Variants in CFAP54 observed in about 807,000 individuals in gnomAD.
The protein encoded by CFAP54 is cilia and flagella associated protein 54, also known as cilia- and flagella-associated protein 54.
In CFAP54, 290 loss-of-function variants were observed where a neutral mutation model predicts 370.4. That is an observed-to-expected ratio of 0.78 (90% CI 0.71 to 0.86). CFAP54 has a LOEUF of 0.86. Ranked by LOEUF, CFAP54 falls within the 40% of genes least tolerant of loss-of-function variation. The probability of loss-of-function intolerance (pLI) is 0.00; values close to 1 mark genes in which losing one functional copy is unlikely to be tolerated. For synonymous variants in CFAP54, 1,206 were observed against 1,236.5 expected (o/e 0.98, Z 0.52); for missense variants, 3,399 against 3,528.7 (o/e 0.96, Z 0.93).
intron 60 of CFAP54, among the ~76,000 whole-genome samples, chr12:96,781,168 A>G (rs1056935517): frequency 1.3e-5 from 2 of 152,298 alleles, no homozygotes; most frequent in South Asian, 4.1e-4. Context: ...TATGTCTTCA[A>G]TAGCATGAAT....
intron 9 of CFAP54, among the ~76,000 whole-genome samples, chr12:96,530,011 C>G (rs555976286): frequency 6.6e-6 from 1 of 152,120 alleles, no homozygotes; most frequent in African/African-American, 2.4e-5. Flanking sequence ...TTTGTTTATA[C>G]GAAGTAGAAA....
chr12:96,576,210 G>T (rs985011911), intron 19 of CFAP54, among the ~76,000 whole-genome samples: 3 of 151,850 alleles, frequency 2.0e-5, no homozygotes, highest in Non-Finnish European at 4.4e-5. Context: ...CTGAATTAGG[G>T]TAGCTGTGTA....
intron 45 of CFAP54, among the ~76,000 whole-genome samples, chr12:96,696,583 G>C (rs1490909941): frequency 1.3e-5 from 2 of 151,876 alleles, no homozygotes; most frequent in Non-Finnish European, 2.9e-5. Context: ...TGGAGAACTG[G>C]GTTGGAGAAT....
chr12:96,687,730 GCA>G (rs368946451), intron 42 of CFAP54, among the ~76,000 whole-genome samples: 1 of 151,670 alleles, frequency 6.6e-6, no homozygotes, highest in Non-Finnish European at 1.5e-5. Context: ...ACACACACAC[GCA>G]CACACACACA....
At chr12:96,755,098 G>A (rs1341503874) in intron 56 of CFAP54, among the ~76,000 whole-genome samples, 2 of 152,152 alleles carry the variant, frequency 1.3e-5, no homozygotes, top group African/African-American at 4.8e-5. Context: ...GGAGCTGTGA[G>A]GGCCAGCGCA....
intron 23 of CFAP54, 137 bp from the exon 24 acceptor site, chr12:96,592,353 C>T (rs1956133890): frequency 3.0e-6 from 1 of 335,112 alleles, no homozygotes; most frequent in Non-Finnish European, 5.4e-6. Context: ...CTTGTCTGTG[C>T]AAGAATAGCT....
intron 26 of CFAP54, among the ~76,000 whole-genome samples, chr12:96,600,083 T>A (rs961032660): frequency 6.6e-6 from 1 of 152,230 alleles, no homozygotes; most frequent in Non-Finnish European, 1.5e-5. Flanking sequence ...CCCATGCCTA[T>A]GTCCTGAATG....
intron 50 of CFAP54, among the ~76,000 whole-genome samples, chr12:96,735,248 C>CT (rs1188259828): frequency 2.6e-5 from 4 of 152,138 alleles, no homozygotes; most frequent in Non-Finnish European, 5.9e-5. Flanking sequence ...AATGGGAAAA[C>CT]TTTTTTTCAA....
At chr12:96,657,848 T>G (rs1956939500) in intron 36 of CFAP54, 34 bp from the exon 37 acceptor site, 2 of 1,335,418 alleles carry the variant, frequency 1.5e-6, no homozygotes. Flanking sequence ...AAATCTGAAA[T>G]TACACATTTT....
chr12:96,841,424 G>A (rs1959214283), intron 66 of CFAP54, among the ~76,000 whole-genome samples: 1 of 152,164 alleles, frequency 6.6e-6, no homozygotes. Context: ...TAGACCTTTA[G>A]CAATGGAATT....
chr12:96,531,640 A>G (rs1255327396), intron 9 of CFAP54, among the ~76,000 whole-genome samples: 1 of 152,070 alleles, frequency 6.6e-6, no homozygotes, highest in Admixed American at 6.5e-5. Flanking sequence ...TCAGGTCACG[A>G]ATTTCATCTT....
chr12:96,578,634 A>G (rs1019220981), intron 20 of CFAP54, among the ~76,000 whole-genome samples: 6 of 152,216 alleles, frequency 3.9e-5, no homozygotes, highest in South Asian at 2.1e-4. Flanking sequence ...GGACTCATCA[A>G]TGAGGACGTT....
intron 50 of CFAP54, among the ~76,000 whole-genome samples, chr12:96,729,965 G>GA (rs1038666205): frequency 1.5e-4 from 23 of 152,178 alleles, no homozygotes; most frequent in Non-Finnish European, 2.5e-4. Context: ...ACCCAGTACA[G>GA]AGAGCAAATG....
chr12:96,590,245 G>T (rs1025957468), intron 23 of CFAP54, among the ~76,000 whole-genome samples: 5 of 152,162 alleles, frequency 3.3e-5, no homozygotes, highest in African/African-American at 1.2e-4. Context: ...GGGTAAGAAG[G>T]CTTTTCTTTT....
intron 1 of CFAP54, among the ~76,000 whole-genome samples, chr12:96,499,557 T>G (rs1471138708): frequency 3.3e-5 from 5 of 152,134 alleles, no homozygotes; most frequent in Non-Finnish European, 7.3e-5. Context: ...GACAGGTGGT[T>G]TTTTACAAAA....
intron 39 of CFAP54, among the ~76,000 whole-genome samples, chr12:96,670,736 T>C (rs1314487572): frequency 1.3e-5 from 2 of 152,202 alleles, no homozygotes; most frequent in Non-Finnish European, 2.9e-5. Flanking sequence ...AGCAGTCAAC[T>C]ATCATAGAGA....
At chr12:96,600,832 C>A (rs902138357) in intron 26 of CFAP54, among the ~76,000 whole-genome samples, 1 of 152,124 alleles carries the variant, frequency 6.6e-6, no homozygotes, top group African/African-American at 2.4e-5. Flanking sequence ...TTTGCTGAAG[C>A]TGCTTATCAG....
chr12:96,637,966 G>T (rs1202752699), intron 32 of CFAP54, among the ~76,000 whole-genome samples: 1 of 151,968 alleles, frequency 6.6e-6, no homozygotes, highest in East Asian at 1.9e-4. Context: ...TGTGTAGTAG[G>T]CTATACCATT....
chr12:96,630,227 A>T, intron 31 of CFAP54, 23 bp downstream of exon 31: 4 of 1,204,696 alleles, frequency 3.3e-6, no homozygotes, highest in Non-Finnish European at 4.5e-6. Flanking sequence ...TGAGTTTTGA[A>T]TTTTAGGTAA....
Sources: allele counts gnomAD v4.1 joint callset (sites outside exome capture counted in the v4.1 genomes callset), GRCh38; gene constraint gnomAD v4.1.1; transcripts MANE v1.5; gene names NCBI Gene and HGNC (gene_info 2026-07-23, HGNC 2026-07-21).